ZSCAN4: variants seen among roughly 807,000 people sequenced by gnomAD.
ZSCAN4 encodes the protein zinc finger and SCAN domain-containing protein 4.
ZSCAN4 carries 18 observed loss-of-function variants against 18.3 expected under a neutral mutation model. That is an observed-to-expected ratio of 0.98 (90% CI 0.68 to 1.46). ZSCAN4 has a LOEUF of 1.46. Among genes scored for constraint, ZSCAN4 ranks in the 40% most tolerant of loss-of-function variants. The probability of loss-of-function intolerance (pLI) is 0.00; values close to 1 mark genes in which losing one functional copy is unlikely to be tolerated. For synonymous variants in ZSCAN4, 193 were observed against 180.3 expected, an observed-to-expected ratio of 1.07 and a Z score of -0.57; for missense variants, 498 against 511.4, an observed-to-expected ratio of 0.97 and a Z score of 0.25.
chr19:57,659,468 C>G, the ZSCAN4 span, among the ~76,000 whole-genome samples: 5 of 152,278 alleles, frequency 3.3e-5, no homozygotes, highest in African/African-American at 9.6e-5. Context: ...CTAACAGCAG[C>G]CTCGAACTCT....
At chr19:57,656,641 C>A in the ZSCAN4 span, among the ~76,000 whole-genome samples, 1 of 152,156 alleles carries the variant, frequency 6.6e-6, no homozygotes, top group Admixed American at 6.5e-5. Context: ...CACCCATATA[C>A]CCCCTGTAAA....
intron 4 of ZSCAN4, 25 bp from the exon 5 acceptor site, chr19:57,678,141 C>A: frequency 6.2e-7 from 1 of 1,605,088 alleles, no homozygotes; most frequent in Non-Finnish European, 8.5e-7. Context: ...TTAAGTACAA[C>A]TTCATTGAGT....
At chr19:57,674,225 A>G (rs1984110852) in intron 2 of ZSCAN4, among the ~76,000 whole-genome samples, 1 of 152,210 alleles carries the variant, frequency 6.6e-6, no homozygotes, top group Non-Finnish European at 1.5e-5. Context: ...TTGTTACAAA[A>G]GTATTCTGCA....
At chr19:57,673,652 C>T (rs1984089703) in intron 2 of ZSCAN4, among the ~76,000 whole-genome samples, 1 of 152,036 alleles carries the variant, frequency 6.6e-6, no homozygotes, top group South Asian at 2.1e-4. Flanking sequence ...AAGTTTGCAC[C>T]ATTTGATCAA....
At chr19:57,651,851 C>CA in the ZSCAN4 span, among the ~76,000 whole-genome samples, 1 of 152,168 alleles carries the variant, frequency 6.6e-6, no homozygotes, top group Non-Finnish European at 1.5e-5. Flanking sequence ...AATTACTGGA[C>CA]ATCATATCCA....
chr19:57,678,316 A>T, exon 5 of ZSCAN4: 1 of 1,614,190 alleles, frequency 6.2e-7, no homozygotes, highest in Non-Finnish European at 8.5e-7. Flanking sequence ...GTTTCTTCTG[A>T]CAACCCATAC....
intron 2 of ZSCAN4, among the ~76,000 whole-genome samples, chr19:57,673,251 G>A (rs986153656): frequency 1.3e-5 from 2 of 151,840 alleles, no homozygotes; most frequent in Admixed American, 6.6e-5. Flanking sequence ...GTTTCACCAC[G>A]TCTCATCTCA....
At chr19:57,677,356 C>T (rs1984217637) in intron 3 of ZSCAN4, among the ~76,000 whole-genome samples, 1 of 152,152 alleles carries the variant, frequency 6.6e-6, no homozygotes, top group African/African-American at 2.4e-5. Context: ...GCCACAACCT[C>T]ACTTCCTATT....
At chr19:57,657,584 C>T in the ZSCAN4 span, among the ~76,000 whole-genome samples, 1 of 152,160 alleles carries the variant, frequency 6.6e-6, no homozygotes, top group African/African-American at 2.4e-5. Context: ...TAGTTGTCCA[C>T]TTATCATTTG....
In ZSCAN4 at chr19:57,678,572, T is replaced by A; in HGVS notation, c.969T>A (p.Tyr323Ter). The change falls in exon 5 of 5, where the codon TAT becomes TAA. Residue 323 changes from tyrosine (Y) to a stop codon, truncating the protein, a stop_gained. Transcript: ENST00000318203. LOFTEE classifies it low-confidence loss of function (END_TRUNC). ...AAGAATGCCCCAAGGTCTTTAAGTA[T>A]CTCTGTCACTTATTAGCTCACCAGA... 1.2e-6 allele frequency: 2 copies of A among 1,614,066 alleles called. No individual in the cohort carries two copies. The highest frequency in any genetic ancestry group is 1.7e-6 in the Non-Finnish European group (2 of 1,180,036).
chr19:57,676,680 C>G (rs779394241), intron 3 of ZSCAN4, 139 bp downstream of exon 3: 9 of 1,001,870 alleles, frequency 9.0e-6, no homozygotes, highest in Middle Eastern at 4.4e-4. Context: ...CCACCATTCT[C>G]ACAAAGAATA....
At chr19:57,655,280 G>A in the ZSCAN4 span, among the ~76,000 whole-genome samples, 2 of 152,074 alleles carry the variant, frequency 1.3e-5, no homozygotes, top group Admixed American at 6.6e-5. Context: ...TAGAACACCT[G>A]GATCCAGTCT....
At chr19:57,654,244 C>T in the ZSCAN4 span, among the ~76,000 whole-genome samples, 4 of 152,132 alleles carry the variant, frequency 2.6e-5, no homozygotes, top group African/African-American at 9.7e-5. Flanking sequence ...TATTTTGGGA[C>T]TGAATATATT....
the ZSCAN4 span, among the ~76,000 whole-genome samples, chr19:57,654,006 G>T: frequency 6.6e-6 from 1 of 152,176 alleles, no homozygotes; most frequent in African/African-American, 2.4e-5. Flanking sequence ...ACCTTAGAAC[G>T]CAGGGTAACA....
intron 4 of ZSCAN4, 30 bp from the exon 5 acceptor site, chr19:57,678,136 T>C (rs1984246529): frequency 5.6e-6 from 9 of 1,602,554 alleles, no homozygotes; most frequent in Non-Finnish European, 7.7e-6. Context: ...CCTTCTTAAG[T>C]ACAACTTCAT....
upstream of ZSCAN4, chr19:57,664,339 G>A (rs1392393964): frequency 6.5e-6 from 1 of 153,068 alleles, no homozygotes; most frequent in Non-Finnish European, 1.5e-5. Context: ...CGCTGCTGGC[G>A]GCGGGCGAGG....
At chr19:57,666,172 G>C (rs1013186966), upstream of ZSCAN4, among the ~76,000 whole-genome samples, 2 of 152,168 alleles carry the variant, frequency 1.3e-5, no homozygotes, top group African/African-American at 2.4e-5. Flanking sequence ...GGTTCCTACA[G>C]GTCCTGTACA....
chr19:57,676,127 CTG>C (rs1984173290), exon 3 of ZSCAN4: 1 of 1,585,048 alleles, frequency 6.3e-7, no homozygotes, highest in African/African-American at 1.4e-5. Flanking sequence ...TAAAGTCTCT[CTG>C]AGAATTATTG....
chr19:57,675,922 T>C (rs1196044566), intron 2 of ZSCAN4, 119 bp from the exon 3 acceptor site: 2 of 460,950 alleles, frequency 4.3e-6, no homozygotes, highest in Non-Finnish European at 7.6e-6. Context: ...GAGTTTATGT[T>C]AAGTTATAAT....
Sources: gnomAD v4.1 joint callset for allele counts (sites outside exome capture counted in the v4.1 genomes callset) on GRCh38, gnomAD v4.1.1 for gene constraint, MANE v1.5 for transcripts, NCBI Gene and HGNC (gene_info 2026-07-23, HGNC 2026-07-21) for gene names.